Variants in GATAD1 observed in about 807,000 individuals in gnomAD.
GATAD1 encodes the protein GATA zinc finger domain-containing protein 1.
Under a neutral mutation model 26.5 loss-of-function variants are expected in GATAD1, and 12 were observed. The ratio of observed to expected loss-of-function variants is 0.45; its 90% CI spans 0.29 to 0.73. The LOEUF is 0.73. GATAD1 is among the 30% of genes least tolerant of loss of function. The pLI is 0.10. For missense variants in GATAD1, 266 were observed against 342.1 expected (o/e 0.78, Z 1.75); for synonymous variants, 129 against 133.1 (o/e 0.97, Z 0.21).
At chr7:92,469,294 T>A in the GATAD1 span, 3 of 764,246 alleles carry the variant, frequency 3.9e-6, no homozygotes, top group Non-Finnish European at 7.2e-6. Flanking sequence ...GACCAGGGAG[T>A]CGGCGACCCG....
Position 92,447,698 on chromosome 7 carries a change from T to C in GATAD1, c.-32T>C. 1 of 1,428,598 alleles carries C rather than the reference T, an allele frequency of 7.0e-7. No homozygotes were observed. The highest frequency in any genetic ancestry group is 3.1e-5 in the East Asian group (1 of 32,690). 88.5% of individuals were successfully genotyped at this position (1,428,598 alleles called of 1,614,324 possible). On this transcript the variant is annotated 5_prime_UTR_variant, in exon 1 of 5. Coordinates refer to ENST00000287957, the MANE Select transcript of GATAD1 (RefSeq NM_021167.5). ...CTACCGTCCGCCATTCCCGTGTCTC[T>C]GCGCCCGCGGGGGCCGCCCGAGCCG...
chr7:92,454,744 TA>T, intron 4 of GATAD1, 59 bp downstream of exon 4: 2 of 1,178,968 alleles, frequency 1.7e-6, no homozygotes, highest in Non-Finnish European at 2.4e-6. Flanking sequence ...CAATATTATG[TA>T]AAAGAGTGTG....
At chr7:92,490,200 T>G in the GATAD1 span, 1 of 384,374 alleles carries the variant, frequency 2.6e-6, no homozygotes. Context: ...AGGACAGGTT[T>G]CTTCATTTTC....
At chr7:92,482,845 T>C in the GATAD1 span, among the ~76,000 whole-genome samples, 1 of 152,012 alleles carries the variant, frequency 6.6e-6, no homozygotes, top group Non-Finnish European at 1.5e-5. Flanking sequence ...TGGGGGAGTT[T>C]TAAGGGGTTT....
Position 92,458,217 on chromosome 7 carries a change from G to A in GATAD1, c.*1655G>A, listed in dbSNP as rs2115895159. 6.6e-6 allele frequency: 1 copy of A among 152,288 alleles called. No homozygotes were observed. Among genetic ancestry groups the A allele is most frequent in the Admixed American group, 6.5e-5 (1 of 15,294 alleles). The allele number at this position is 152,288 out of a possible 1,614,324, so 9.4% of individuals were successfully genotyped here. ...GAACCATTCCATTGATCTTAATAAA[G>A]CTGCTCTTTACTGTTTCTAGTCAAA... On this transcript the variant is annotated 3_prime_UTR_variant, in exon 5 of 5. Transcript: ENST00000287957.
chr7:92,461,395 CCAA>C (rs1789917720), downstream of GATAD1: 1 of 152,198 alleles, frequency 6.6e-6, no homozygotes, highest in African/African-American at 2.4e-5. Flanking sequence ...TCAGCAAGCT[CCAA>C]CAATTGTGTA....
the GATAD1 span, among the ~76,000 whole-genome samples, chr7:92,488,784 AGT>A: frequency 6.9e-6 from 1 of 145,918 alleles, no homozygotes. Flanking sequence ...GGCTGGATGG[AGT>A]GCAGTGGTGC....
rs1021516568 is a variant in GATAD1 at position 92,447,642 on chromosome 7, G to A, written c.-88G>A. 9.1e-6 allele frequency: 12 copies of A among 1,315,082 alleles called. No individual in the cohort carries two copies. Among genetic ancestry groups the A allele is most frequent in the Non-Finnish European group, 1.2e-5 (12 of 1,029,136 alleles). The allele number at this position is 1,315,082 out of a possible 1,614,324, so 81.5% of individuals were successfully genotyped here. ...GCTCTCACCGCTCTTCCTATCGCCG[G>A]GAGTGGCGGGCCGACCAGGGGGCGG... On this transcript the variant is annotated 5_prime_UTR_variant, in exon 1 of 5. Transcript: ENST00000287957.
chr7:92,460,929 GCACACA>G (rs367896680), downstream of GATAD1, among the ~76,000 whole-genome samples: 5 of 150,632 alleles, frequency 3.3e-5, no homozygotes, highest in South Asian at 8.4e-4. Flanking sequence ...TTTACAATAA[GCACACA>G]CACACACACA....
At chr7:92,490,163 T>G in the GATAD1 span, 3 of 509,694 alleles carry the variant, frequency 5.9e-6, no homozygotes, top group Admixed American at 6.9e-5. Context: ...TTAACTTTGT[T>G]GCTTAAATCC....
chr7:92,491,113 A>G, the GATAD1 span: 1 of 607,126 alleles, frequency 1.6e-6, no homozygotes, highest in Non-Finnish European at 3.0e-6. Context: ...AAGGAATGCA[A>G]ATTACCAATT....
chr7:92,481,888 G>A, the GATAD1 span, among the ~76,000 whole-genome samples: 2 of 152,246 alleles, frequency 1.3e-5, no homozygotes, highest in African/African-American at 4.8e-5. Context: ...GCAATTGGCA[G>A]GGAGAGCACA....
At position 92,448,739 on chromosome 7, in the gene GATAD1, G is replaced by A; in HGVS notation, c.250-13G>A. On this transcript the variant is annotated splice_polypyrimidine_tract_variant and intron_variant, in intron 1 of 4. Transcript: ENST00000287957. ...TCTTTCTCTTTTTGTTCTTTAATTT[G>A]TTTGTGTAACAGAGTAAGCAGGAAA... 1 of 1,605,986 alleles carries A rather than the reference G, an allele frequency of 6.2e-7. No homozygotes were observed. Among genetic ancestry groups the A allele is most frequent in the South Asian group, 1.1e-5 (1 of 90,806 alleles).
chr7:92,491,405 C>CAT, the GATAD1 span: 12 of 1,613,610 alleles, frequency 7.4e-6, no homozygotes, highest in Non-Finnish European at 9.3e-6. Flanking sequence ...ATCTAAGCCA[C>CAT]ATTCTCCATC....
the GATAD1 span, among the ~76,000 whole-genome samples, chr7:92,478,560 C>T: frequency 2.0e-5 from 3 of 152,118 alleles, no homozygotes; most frequent in Non-Finnish European, 2.9e-5. Context: ...AGCAGTAAAG[C>T]CAGCATGTTA....
At chr7:92,460,175 G>A (rs946564507), downstream of GATAD1, among the ~76,000 whole-genome samples, 2 of 152,142 alleles carry the variant, frequency 1.3e-5, no homozygotes, top group African/African-American at 4.8e-5. Context: ...ACAATAGAGG[G>A]AAATGTATTT....
At chr7:92,477,660 C>T in the GATAD1 span, 1 of 158,570 alleles carries the variant, frequency 6.3e-6, no homozygotes, top group African/African-American at 2.4e-5. Flanking sequence ...AGAACAAACC[C>T]AGGCACTTAG....
chr7:92,479,318 G>A, the GATAD1 span, among the ~76,000 whole-genome samples: 1 of 152,132 alleles, frequency 6.6e-6, no homozygotes, highest in Non-Finnish European at 1.5e-5. Context: ...AGATGGGGTG[G>A]GGCCATTTTA....
downstream of GATAD1, among the ~76,000 whole-genome samples, chr7:92,462,288 A>C (rs1028233995): frequency 5.3e-5 from 8 of 152,104 alleles, no homozygotes; most frequent in African/African-American, 1.9e-4. Flanking sequence ...ATTTACAAAT[A>C]ATTTTTAATA....
Sources: allele counts gnomAD v4.1 joint callset (sites outside exome capture counted in the v4.1 genomes callset), GRCh38; gene constraint gnomAD v4.1.1; transcripts MANE v1.5; gene names NCBI Gene and HGNC (gene_info 2026-07-23, HGNC 2026-07-21).